The following RPN2 variants were observed in gnomAD, a reference collection of about 807,000 sequenced individuals.
The protein encoded by RPN2 is ribophorin II.
RPN2 carries 29 observed loss-of-function variants against 71.4 expected under a neutral mutation model. That is an observed-to-expected ratio of 0.41 (90% CI 0.30 to 0.55). The LOEUF is 0.55. Among genes scored for constraint, RPN2 ranks in the 20% least tolerant of loss-of-function variants. The pLI, the probability that RPN2 is intolerant of heterozygous loss-of-function variation, is 0.35. For synonymous variants in RPN2, 308 were observed against 305.0 expected (o/e 1.01, Z -0.10); for missense variants, 726 against 774.1 (o/e 0.94, Z 0.74).
intron 9 of RPN2, among the ~76,000 whole-genome samples, chr20:37,220,958 G>A (rs1361317263): frequency 2.6e-5 from 4 of 152,184 alleles, no homozygotes; most frequent in African/African-American, 4.8e-5. Context: ...TTGGGGCTGA[G>A]AGCAAACCAA....
At chr20:37,215,345 G>A (rs2067781403) in intron 9 of RPN2, among the ~76,000 whole-genome samples, 1 of 152,176 alleles carries the variant, frequency 6.6e-6, no homozygotes, top group South Asian at 2.1e-4. Flanking sequence ...TCTGGAACTC[G>A]AATCTCTTCA....
chr20:37,203,945 C>T lies in RPN2; in HGVS notation c.540C>T (p.Ile180=), dbSNP rs727504128. ...HLSQQADLRS[I]VEEIEDLVAR... ...CCCAGCAGGCTGACCTGAGGAGCAT[C>T]GTGGAGGAGATTGAGGTGTGAATCT... is the stretch of plus-strand genomic sequence containing the variant. Residue 180 remains isoleucine (I), a synonymous_variant, in exon 5 of 17, where the codon ATC becomes ATT. Coordinates refer to ENST00000237530, the MANE Select transcript of RPN2 (RefSeq NM_002951.5). 82 of 1,613,382 alleles carry T rather than the reference C, an allele frequency of 5.1e-5. No homozygotes were observed. Among genetic ancestry groups the T allele is most frequent in the Non-Finnish European group, 6.8e-5 (80 of 1,179,328 alleles).
intron 4 of RPN2, among the ~76,000 whole-genome samples, chr20:37,199,690 G>A (rs2067336475): frequency 6.6e-6 from 1 of 152,162 alleles, no homozygotes. Flanking sequence ...TTGCTCAGAG[G>A]GTGGAGTATT....
At chr20:37,220,660 T>C (rs1046807080) in intron 9 of RPN2, among the ~76,000 whole-genome samples, 1 of 152,182 alleles carries the variant, frequency 6.6e-6, no homozygotes, top group Non-Finnish European at 1.5e-5. Flanking sequence ...TTTCCTATTA[T>C]AAAAACGAAT....
rs1268677050 is a variant in RPN2 at position 37,229,976 on chromosome 20, G to T, written c.1498G>T (p.Asp500Tyr). ...LKNPILWNVA[D>Y]VVIKFPEEEA... ...CAGACTGTCCTTATTTTTCTAGGCT[G>T]ATGTGGTCATCAAGTTCCCTGAGGA... The change falls in exon 13 of 17, where the codon GAT becomes TAT. Residue 500 changes from aspartate to tyrosine, a missense_variant. Transcript: ENST00000237530. 2.5e-6 allele frequency: 4 copies of T among 1,613,562 alleles called. No individual in the cohort carries two copies. In the South Asian group the frequency reaches 4.4e-5, roughly 18 times the overall value.
chr20:37,234,250 C>G (rs959852753), intron 15 of RPN2, among the ~76,000 whole-genome samples, 155 bp downstream of exon 15: 1 of 152,198 alleles, frequency 6.6e-6, no homozygotes, highest in Non-Finnish European at 1.5e-5. Flanking sequence ...ACAGTTAATA[C>G]GAAGATAAAC....
chr20:37,236,819 A>T (rs961486880), intron 16 of RPN2, 110 bp downstream of exon 16: 2 of 1,091,952 alleles, frequency 1.8e-6, no homozygotes, highest in African/African-American at 3.1e-5. Context: ...CTTAGGGGCA[A>T]GTCTGACACC....
chr20:37,205,402 T>C (rs1446377301), intron 6 of RPN2, among the ~76,000 whole-genome samples: 1 of 152,224 alleles, frequency 6.6e-6, no homozygotes, highest in Admixed American at 6.5e-5. Context: ...ATTCTTTTTC[T>C]CAAGAGGAGG....
chr20:37,181,514 G>C (rs1220871932), intron 1 of RPN2, among the ~76,000 whole-genome samples: 1 of 149,594 alleles, frequency 6.7e-6, no homozygotes, highest in Non-Finnish European at 1.5e-5. Context: ...CTGCTTCCCA[G>C]ATCAAGTGAT....
At chr20:37,237,539 G>C (rs1201454555) in intron 16 of RPN2, among the ~76,000 whole-genome samples, 2 of 152,154 alleles carry the variant, frequency 1.3e-5, no homozygotes, top group Admixed American at 6.6e-5. Context: ...ATCAGAGAGA[G>C]GCTTTTTCAG....
At chr20:37,214,092 C>T (rs2067747080) in intron 9 of RPN2, among the ~76,000 whole-genome samples, 1 of 152,144 alleles carries the variant, frequency 6.6e-6, no homozygotes, top group Non-Finnish European at 1.5e-5. Flanking sequence ...GTAAGTTTTT[C>T]ATTTTCCATT....
intron 8 of RPN2, among the ~76,000 whole-genome samples, chr20:37,211,287 G>A (rs941285464): frequency 3.3e-5 from 5 of 150,782 alleles, no homozygotes; most frequent in African/African-American, 9.7e-5. Context: ...CACCCACCTC[G>A]GCCTCCCAAA....
At chr20:37,200,677 G>A (rs2067367721) in intron 4 of RPN2, among the ~76,000 whole-genome samples, 1 of 152,034 alleles carries the variant, frequency 6.6e-6, no homozygotes, top group Admixed American at 6.6e-5. Flanking sequence ...TATTCACATG[G>A]TCAATCATCA....
intron 16 of RPN2, chr20:37,238,402 G>C: frequency 6.2e-7 from 1 of 1,608,348 alleles, no homozygotes; most frequent in Admixed American, 1.7e-5. Flanking sequence ...CCTTTGGCAG[G>C]ATCGCTGCAG....
intron 16 of RPN2, 122 bp downstream of exon 16, chr20:37,236,831 T>C: frequency 1.0e-6 from 1 of 962,914 alleles, no homozygotes. Flanking sequence ...TCTGACACCC[T>C]AATCTAGCCC....
chr20:37,194,107 C>T (rs1406861433), intron 2 of RPN2, among the ~76,000 whole-genome samples: 1 of 152,190 alleles, frequency 6.6e-6, no homozygotes, highest in African/African-American at 2.4e-5. Flanking sequence ...AAAATGTCCT[C>T]TGCTTCGACA....
intron 9 of RPN2, among the ~76,000 whole-genome samples, chr20:37,218,582 A>G (rs2067875955): frequency 6.6e-6 from 1 of 151,782 alleles, no homozygotes; most frequent in South Asian, 2.1e-4. Context: ...TATGCAATCC[A>G]GTGTTTTTAG....
At chr20:37,181,150 A>G (rs993250602) in intron 1 of RPN2, among the ~76,000 whole-genome samples, 4 of 151,060 alleles carry the variant, frequency 2.6e-5, no homozygotes, top group African/African-American at 4.9e-5. Context: ...AATCGCTTGA[A>G]CCCGGGAGGC....
intron 10 of RPN2, among the ~76,000 whole-genome samples, 167 bp downstream of exon 10, chr20:37,224,136 C>T (rs1305097609): frequency 6.6e-6 from 1 of 152,164 alleles, no homozygotes; most frequent in Non-Finnish European, 1.5e-5. Flanking sequence ...GGGGATTCTG[C>T]GAATTATCTA....
Sources: allele counts gnomAD v4.1 joint callset (sites outside exome capture counted in the v4.1 genomes callset), GRCh38; gene constraint gnomAD v4.1.1; transcripts MANE v1.5; gene names NCBI Gene and HGNC (gene_info 2026-07-23, HGNC 2026-07-21).